NRF1: variants seen among roughly 807,000 people sequenced by gnomAD.
NRF1 encodes nuclear respiratory factor 1.
In NRF1, 5 loss-of-function variants were observed where a neutral mutation model predicts 58.5. The observed-to-expected ratio is 0.09, with a 90% CI of 0.04 to 0.18. NRF1 has a LOEUF of 0.18. Among genes scored for constraint, NRF1 ranks in the 10% least tolerant of loss-of-function variants. The probability of loss-of-function intolerance (pLI) is 1.00; values close to 1 mark genes in which losing one functional copy is unlikely to be tolerated. For synonymous variants in NRF1, 224 were observed against 246.7 expected (o/e 0.91, Z 0.86); for missense variants, 288 against 657.7 (o/e 0.44, Z 6.15).
chr7:129,642,425 A>G (rs1018090623), intron 1 of NRF1, among the ~76,000 whole-genome samples: 2 of 152,194 alleles, frequency 1.3e-5, no homozygotes, highest in Non-Finnish European at 2.9e-5. Context: ...AAACTAAACT[A>G]CTGTATGTTC....
rs146670220 is a variant in NRF1, at chr7:129,685,826, C to T, written c.466-4580C>T. 1.4e-3 allele frequency among the ~76,000 whole-genome samples: 213 copies of T among 151,538 alleles called. 1 individual carries two copies. Among genetic ancestry groups the T allele is most frequent in the African/African-American group, 4.8e-3 (198 of 41,330 alleles). On this transcript the variant is annotated intron_variant, in intron 4 of 10. Transcript: ENST00000393232. Reference sequence around the variant, plus strand: ...AAATGGAAAATATTTGGATAAGAAGCAGATTTATGTGGTGGCTCATGTCTG... The same window carrying T: ...AAATGGAAAATATTTGGATAAGAAGTAGATTTATGTGGTGGCTCATGTCTG...
At chr7:129,754,954 G>A (rs779929887) in intron 10 of NRF1, 64 bp from the exon 11 acceptor site, 22 of 1,468,976 alleles carry the variant, frequency 1.5e-5, no homozygotes, top group African/African-American at 2.9e-5. Context: ...GGGTGCCCCC[G>A]TCCAGCCAGC....
chr7:129,623,030 G>A (rs1489432292), intron 1 of NRF1, among the ~76,000 whole-genome samples: 2 of 152,098 alleles, frequency 1.3e-5, no homozygotes, highest in Non-Finnish European at 2.9e-5. Flanking sequence ...ATACATATTT[G>A]TTGAGGAAAT....
chr7:129,689,339 A>G (rs374577597), intron 4 of NRF1, among the ~76,000 whole-genome samples: 57 of 152,290 alleles, frequency 3.7e-4, no homozygotes, highest in African/African-American at 1.3e-3. Context: ...ACAACCCAGG[A>G]TTCAAACATT....
intron 9 of NRF1, among the ~76,000 whole-genome samples, chr7:129,724,059 A>T (rs1398294076): frequency 6.6e-6 from 1 of 152,238 alleles, no homozygotes; most frequent in Non-Finnish European, 1.5e-5. Context: ...GACTTTACGA[A>T]AATTCTTAAA....
chr7:129,628,397 T>G (rs1800969409), intron 1 of NRF1, among the ~76,000 whole-genome samples: 1 of 152,108 alleles, frequency 6.6e-6, no homozygotes, highest in African/African-American at 2.4e-5. Flanking sequence ...TAACTTTTGA[T>G]ACTATATTAG....
intron 1 of NRF1, among the ~76,000 whole-genome samples, chr7:129,629,298 G>A (rs1435632950): frequency 6.8e-6 from 1 of 146,500 alleles, no homozygotes; most frequent in Non-Finnish European, 1.5e-5. Flanking sequence ...TTTTTCCTGA[G>A]ATGGAGTCTT....
chr7:129,707,129 G>T (rs530173857), intron 5 of NRF1, among the ~76,000 whole-genome samples: 1 of 152,200 alleles, frequency 6.6e-6, no homozygotes, highest in Non-Finnish European at 1.5e-5. Context: ...TAGTAGCTGG[G>T]ACTACAGGCA....
chr7:129,727,449 A>G, intron 10 of NRF1, 84 bp downstream of exon 10: 1 of 1,429,668 alleles, frequency 7.0e-7, no homozygotes, highest in South Asian at 1.4e-5. Context: ...AAGCCTTCAG[A>G]AAGAGTTTGA....
At position 129,755,143 on chromosome 7, in the gene NRF1, G is replaced by A; in HGVS notation, c.1474G>A (p.Asp492Asn). 1 of 1,613,558 alleles carries A rather than the reference G, an allele frequency of 6.2e-7. No homozygotes were observed. The highest frequency in any genetic ancestry group is 8.5e-7 in the Non-Finnish European group (1 of 1,179,836). The part of the protein sequence containing the change: ...TRISDSAVTM[D>N]GQAVEVVTLE... Reference sequence around the variant, plus strand: ...GATATCAGACAGCGCAGTCACCATGGACGGCCAAGCTGTGGAGGTGGTGAC... The same window carrying A: ...GATATCAGACAGCGCAGTCACCATGAACGGCCAAGCTGTGGAGGTGGTGAC... Residue 492 changes from aspartate (D) to asparagine (N), a missense_variant, in exon 11 of 11, where the codon GAC becomes AAC. By Grantham distance (23) the Asp-to-Asn change is conservative (BLOSUM62 1). Coordinates refer to ENST00000393232, the MANE Select transcript of NRF1 (RefSeq NM_005011.5). The surrounding 1 kb of genome is among the most constrained non-coding windows in gnomAD (Gnocchi z 5.8).
chr7:129,621,636 A>C (rs1025079544), intron 1 of NRF1, among the ~76,000 whole-genome samples: 2 of 152,142 alleles, frequency 1.3e-5, no homozygotes, highest in African/African-American at 4.8e-5. Flanking sequence ...CTAGTCTCTT[A>C]CCCCAAAACT....
chr7:129,650,941 G>A (rs996500045), intron 1 of NRF1, among the ~76,000 whole-genome samples: 7 of 152,052 alleles, frequency 4.6e-5, no homozygotes, highest in African/African-American at 1.7e-4. Flanking sequence ...AATTGACTTG[G>A]GAGAGTGGGG....
intron 10 of NRF1, 93 bp from the exon 11 acceptor site, chr7:129,754,925 T>C: frequency 1.5e-6 from 2 of 1,313,026 alleles, no homozygotes; most frequent in Middle Eastern, 4.7e-4. Context: ...GTGACCACGA[T>C]ACCTCAAAGG....
At chr7:129,696,053 T>C in intron 5 of NRF1, among the ~76,000 whole-genome samples, 1 of 77,782 alleles carries the variant, frequency 1.3e-5, no homozygotes, top group Non-Finnish European at 2.6e-5. Context: ...ATAAACCCCG[T>C]CTCTACTAAA....
At chr7:129,698,651 C>T (rs974463503) in intron 5 of NRF1, among the ~76,000 whole-genome samples, 1 of 152,074 alleles carries the variant, frequency 6.6e-6, no homozygotes, top group Non-Finnish European at 1.5e-5. Flanking sequence ...TAAGTCAGTT[C>T]CTCTCAAACT....
chr7:129,647,660 C>T (rs1801440543), intron 1 of NRF1, among the ~76,000 whole-genome samples: 1 of 152,184 alleles, frequency 6.6e-6, no homozygotes, highest in African/African-American at 2.4e-5. Context: ...TCCCAAAGTG[C>T]TGGGATTACA....
chr7:129,720,683 T>C (rs1803302268), intron 9 of NRF1, among the ~76,000 whole-genome samples: 1 of 152,136 alleles, frequency 6.6e-6, no homozygotes, highest in Admixed American at 6.6e-5. Flanking sequence ...CTCCTTCATC[T>C]TTTACAGGGT....
chr7:129,643,423 G>A (rs1801337763), intron 1 of NRF1, among the ~76,000 whole-genome samples: 1 of 152,188 alleles, frequency 6.6e-6, no homozygotes, highest in South Asian at 2.1e-4. Context: ...TTTCCATAAT[G>A]GAAATTGAGG....
chr7:129,634,041 A>AAAT (rs1163693215), intron 1 of NRF1, among the ~76,000 whole-genome samples: 68 of 113,778 alleles, frequency 6.0e-4, no homozygotes, highest in African/African-American at 7.9e-4. Flanking sequence ...AAAAAAAAAA[A>AAAT]AGATATATAT....
Sources: allele counts gnomAD v4.1 joint callset (sites outside exome capture counted in the v4.1 genomes callset), GRCh38; gene constraint gnomAD v4.1.1; non-coding constraint Gnocchi (gnomAD v3.1); transcripts MANE v1.5; gene names NCBI Gene and HGNC (gene_info 2026-07-23, HGNC 2026-07-21).